The following ARHGAP32 variants were observed in gnomAD, a reference collection of about 807,000 sequenced individuals.
ARHGAP32 encodes the protein rho GTPase-activating protein 32.
A neutral mutation model predicts 186.5 loss-of-function variants in ARHGAP32; 51 were observed. The ratio of observed to expected loss-of-function variants is 0.27; its 90% confidence interval spans 0.22 to 0.35. ARHGAP32 has a LOEUF of 0.35. Ranked by LOEUF, ARHGAP32 falls within the 10% of genes least tolerant of loss-of-function variation. The pLI is 1.00. For missense variants in ARHGAP32, 2,186 were observed against 2,623.5 expected, an observed-to-expected ratio of 0.83 and a Z score of 3.64; for synonymous variants, 950 against 964.3, an observed-to-expected ratio of 0.99 and a Z score of 0.27.
At chr11:129,125,308 C>T (rs1237094719) in intron 2 of ARHGAP32, among the ~76,000 whole-genome samples, 2 of 151,962 alleles carry the variant, frequency 1.3e-5, no homozygotes, top group Non-Finnish European at 2.9e-5. Context: ...AAAATCTGAA[C>T]ATGACATGTA....
intron 1 of ARHGAP32, among the ~76,000 whole-genome samples, chr11:129,252,279 T>C (rs2135693177): frequency 6.6e-6 from 1 of 152,298 alleles, no homozygotes; most frequent in South Asian, 2.1e-4. Flanking sequence ...AAACTCCTAC[T>C]CTCGAAAACT....
At chr11:129,009,794 C>G (rs777174415) in intron 11 of ARHGAP32, among the ~76,000 whole-genome samples, 1 of 152,018 alleles carries the variant, frequency 6.6e-6, no homozygotes, top group African/African-American at 2.4e-5. Flanking sequence ...CTGCAGTGAA[C>G]GTACGGGTGC....
chr11:128,996,970 G>C (rs1011925397), intron 12 of ARHGAP32, among the ~76,000 whole-genome samples: 2 of 152,062 alleles, frequency 1.3e-5, no homozygotes, highest in Admixed American at 6.6e-5. Flanking sequence ...GTAGAGACCA[G>C]GTCTTGCCAT....
At chr11:129,056,431 G>A (rs1940256333) in intron 10 of ARHGAP32, among the ~76,000 whole-genome samples, 1 of 152,048 alleles carries the variant, frequency 6.6e-6, no homozygotes, top group Non-Finnish European at 1.5e-5. Flanking sequence ...AATTTTAGTA[G>A]AGATGAGGTT....
At chr11:129,246,207 G>A (rs1945095082) in intron 1 of ARHGAP32, among the ~76,000 whole-genome samples, 1 of 152,108 alleles carries the variant, frequency 6.6e-6, no homozygotes, top group African/African-American at 2.4e-5. Flanking sequence ...ATTTAAAGAG[G>A]GGTCCCCCTC....
intron 1 of ARHGAP32, among the ~76,000 whole-genome samples, chr11:129,165,586 T>A (rs1943620910): frequency 1.4e-5 from 2 of 147,892 alleles, no homozygotes; most frequent in African/African-American, 5.0e-5. Flanking sequence ...TGAGGCATGC[T>A]TAAAAAAACA....
intron 6 of ARHGAP32, among the ~76,000 whole-genome samples, chr11:129,071,363 A>G (rs1365398987): frequency 4.0e-5 from 6 of 151,654 alleles, no homozygotes; most frequent in Non-Finnish European, 8.9e-5. Flanking sequence ...ACTCTACAGA[A>G]AAAAAAAATA....
intron 2 of ARHGAP32, among the ~76,000 whole-genome samples, chr11:129,156,313 A>G (rs1591656903): frequency 1.3e-5 from 2 of 152,262 alleles, no homozygotes; most frequent in Admixed American, 6.5e-5. Flanking sequence ...TCCCACCCCC[A>G]AGGAGCCCAG....
At chr11:129,204,806 A>C (rs1944496358) in intron 1 of ARHGAP32, among the ~76,000 whole-genome samples, 1 of 152,210 alleles carries the variant, frequency 6.6e-6, no homozygotes, top group Non-Finnish European at 1.5e-5. Flanking sequence ...AACAGAAGCT[A>C]AATGCTGTAC....
chr11:129,029,818 A>AAAC (rs1253899457), intron 11 of ARHGAP32, among the ~76,000 whole-genome samples: 1 of 150,642 alleles, frequency 6.6e-6, no homozygotes, highest in Non-Finnish European at 1.5e-5. Context: ...AAAAAAAAAA[A>AAAC]AAAAAAAACG....
chr11:129,226,652 T>A (rs970279773), intron 1 of ARHGAP32, among the ~76,000 whole-genome samples: 3 of 152,138 alleles, frequency 2.0e-5, no homozygotes, highest in Non-Finnish European at 4.4e-5. Flanking sequence ...TCCTATCTTA[T>A]CAGTCATTAC....
At chr11:129,029,734 G>A (rs573839282) in intron 11 of ARHGAP32, among the ~76,000 whole-genome samples, 8 of 147,076 alleles carry the variant, frequency 5.4e-5, no homozygotes, top group Middle Eastern at 3.5e-3. Context: ...CCCGGGAGGC[G>A]GAGCTTGCAG....
At position 128,970,737 on chromosome 11, in the gene ARHGAP32, C is replaced by G; in HGVS notation, c.4476G>C (p.Arg1492Ser). 1 of 1,614,060 alleles carries G rather than the reference C, an allele frequency of 6.2e-7. No individual in the cohort carries two copies. The highest frequency in any genetic ancestry group is 8.5e-7 in the Non-Finnish European group (1 of 1,180,002). ...SQKTVYSSFARPDVTTEPFGP... is the reference protein window; with the variant it reads ...SQKTVYSSFASPDVTTEPFGP... ...CAAAGGGTTCAGTGGTGACATCGGG[C>G]CTAGCAAAGGAGGAGTAAACTGTTT... The change falls in exon 23 of 23, where the codon AGG (arginine) becomes AGC (serine). Residue 1492 changes from arginine (R) to serine (S), a missense_variant. By Grantham distance (110) the Arg-to-Ser change is moderately radical. Around this residue, in one of 5 missense-constraint regions of ARHGAP32, gnomAD observed 1,502 missense variants for 1,570.0 expected, o/e 0.96. Transcript: ENST00000682385. This position sits in a 1 kb window ranked among gnomAD's most constrained non-coding sequence, Gnocchi z 5.8.
At chr11:129,227,362 C>T (rs754012365) in intron 1 of ARHGAP32, among the ~76,000 whole-genome samples, 8 of 151,508 alleles carry the variant, frequency 5.3e-5, no homozygotes, top group Non-Finnish European at 7.4e-5. Context: ...GAAAAAATTA[C>T]GTAAGACATA....
chr11:129,036,350 A>G (rs1417668978), intron 11 of ARHGAP32, among the ~76,000 whole-genome samples: 1 of 131,898 alleles, frequency 7.6e-6, no homozygotes, highest in African/African-American at 2.9e-5. Flanking sequence ...ATTGCACTCC[A>G]GCCTGGGCAA....
intron 18 of ARHGAP32, among the ~76,000 whole-genome samples, chr11:128,979,998 T>C (rs1226668457): frequency 1.3e-5 from 2 of 152,224 alleles, no homozygotes; most frequent in South Asian, 2.1e-4. Flanking sequence ...GAAAGTTAGA[T>C]GAATGACCAG....
upstream of ARHGAP32, among the ~76,000 whole-genome samples, chr11:129,194,146 T>C (rs1200373154): frequency 6.6e-6 from 1 of 152,064 alleles, no homozygotes; most frequent in Admixed American, 6.6e-5. Context: ...TGCCTGTCAG[T>C]GGGAGTTTAA....
At chr11:129,094,903 T>C (rs944243525) in intron 5 of ARHGAP32, among the ~76,000 whole-genome samples, 1 of 152,198 alleles carries the variant, frequency 6.6e-6, no homozygotes. Flanking sequence ...ATTCTCAAGT[T>C]TGTGGGTATT....
chr11:129,219,150 C>A (rs544168399), intron 1 of ARHGAP32, among the ~76,000 whole-genome samples: 1 of 152,146 alleles, frequency 6.6e-6, no homozygotes, highest in Admixed American at 6.6e-5. Context: ...AGAACCTGAT[C>A]GCTGACTTTT....
Sources: gnomAD v4.1 joint callset for allele counts (sites outside exome capture counted in the v4.1 genomes callset) on GRCh38, gnomAD v4.1.1 for gene constraint, gnomAD v4.1.1 regional missense constraint, Gnocchi (gnomAD v3.1) non-coding constraint, MANE v1.5 for transcripts, NCBI Gene and HGNC (gene_info 2026-07-23, HGNC 2026-07-21) for gene names.